The following GNAO1 variants were observed in gnomAD, a reference collection of about 807,000 sequenced individuals.
GNAO1 encodes the protein G protein subunit alpha o1.
For synonymous variants in GNAO1, 164 were observed against 180.7 expected, an observed-to-expected ratio of 0.91 and a Z score of 0.74; for missense variants, 166 against 478.7, an observed-to-expected ratio of 0.35 and a Z score of 6.10.
At chr16:56,304,932 C>T (rs1428430591) in intron 3 of GNAO1, among the ~76,000 whole-genome samples, 3 of 152,236 alleles carry the variant, frequency 2.0e-5, no homozygotes, top group African/African-American at 7.2e-5. Context: ...CATCAGCACT[C>T]GTTTCTCCAG....
At chr16:56,331,686 C>T (rs747649406) in intron 4 of GNAO1, among the ~76,000 whole-genome samples, 1 of 152,196 alleles carries the variant, frequency 6.6e-6, no homozygotes, top group Non-Finnish European at 1.5e-5. Context: ...ATCCCGTCCC[C>T]AAGCTCCATC....
intron 3 of GNAO1, among the ~76,000 whole-genome samples, chr16:56,297,662 T>C (rs1430649661): frequency 6.6e-6 from 1 of 151,982 alleles, no homozygotes; most frequent in East Asian, 1.9e-4. Context: ...TATAGCATCC[T>C]GGTGGAGTTG....
At chr16:56,238,165 C>T (rs1431556422) in intron 2 of GNAO1, among the ~76,000 whole-genome samples, 6 of 150,874 alleles carry the variant, frequency 4.0e-5, no homozygotes, top group African/African-American at 1.5e-4. Flanking sequence ...CTGCTGCATC[C>T]TCCTGATATC....
intron 2 of GNAO1, among the ~76,000 whole-genome samples, chr16:56,199,678 T>C (rs553618383): frequency 2.0e-5 from 3 of 152,344 alleles, no homozygotes; most frequent in East Asian, 1.9e-4. Flanking sequence ...GTTTTCACCA[T>C]AGAATTTCTC....
At chr16:56,218,144 G>A (rs1315542436) in intron 2 of GNAO1, among the ~76,000 whole-genome samples, 1 of 152,320 alleles carries the variant, frequency 6.6e-6, no homozygotes, top group Non-Finnish European at 1.5e-5. Context: ...CCAGGTGGGC[G>A]AGAGATCCTC....
intron 3 of GNAO1, among the ~76,000 whole-genome samples, chr16:56,294,831 G>C (rs1481863236): frequency 2.0e-5 from 3 of 152,178 alleles, no homozygotes; most frequent in African/African-American, 7.2e-5. Context: ...GTATTTCACT[G>C]TGGTTTTAAT....
chr16:56,280,289 A>G (rs1035846798), intron 3 of GNAO1, among the ~76,000 whole-genome samples: 8 of 152,250 alleles, frequency 5.3e-5, no homozygotes, highest in Non-Finnish European at 1.2e-4. Flanking sequence ...GGTGCAGTAT[A>G]GGTGAGCAAA....
At chr16:56,242,658 C>T (rs1413872115) in intron 2 of GNAO1, among the ~76,000 whole-genome samples, 1 of 152,122 alleles carries the variant, frequency 6.6e-6, no homozygotes, top group Non-Finnish European at 1.5e-5. Context: ...ACACCATATA[C>T]AAAAATTAAT....
intron 2 of GNAO1, among the ~76,000 whole-genome samples, chr16:56,197,877 C>T (rs970126833): frequency 6.6e-6 from 1 of 152,052 alleles, no homozygotes; most frequent in African/African-American, 2.4e-5. Context: ...TAGAATGAGG[C>T]CCTATTTTTC....
At chr16:56,278,892 C>T (rs1373641853) in intron 3 of GNAO1, among the ~76,000 whole-genome samples, 1 of 152,140 alleles carries the variant, frequency 6.6e-6, no homozygotes, top group Non-Finnish European at 1.5e-5. Flanking sequence ...TGTCCAGATG[C>T]CCTGAGCCCA....
At chr16:56,299,903 GCT>G (rs2037324377) in intron 3 of GNAO1, among the ~76,000 whole-genome samples, 1 of 152,142 alleles carries the variant, frequency 6.6e-6, no homozygotes, top group Non-Finnish European at 1.5e-5. Flanking sequence ...CTGAGCAAAT[GCT>G]GTGGCTTAGA....
intron 2 of GNAO1, among the ~76,000 whole-genome samples, chr16:56,222,604 T>G (rs1340321451): frequency 6.6e-6 from 1 of 152,138 alleles, no homozygotes; most frequent in Non-Finnish European, 1.5e-5. Context: ...TCAAGCATGC[T>G]CACTAGTTGG....
At chr16:56,243,523 G>A (rs971331630) in intron 2 of GNAO1, among the ~76,000 whole-genome samples, 1 of 152,084 alleles carries the variant, frequency 6.6e-6, no homozygotes, top group Non-Finnish European at 1.5e-5. Context: ...GAATACACAC[G>A]CCTCCAAAGA....
intron 2 of GNAO1, among the ~76,000 whole-genome samples, chr16:56,268,770 A>G (rs939127441): frequency 6.6e-6 from 1 of 152,126 alleles, no homozygotes; most frequent in African/African-American, 2.4e-5. Flanking sequence ...AAACAGTTTT[A>G]TGAAAACAGC....
Position 56,328,789 on chromosome 16 carries a change from A to C in GNAO1, c.462A>C (p.Lys154Asn). The C allele has an allele frequency of 1.9e-6, 3 of 1,614,022 alleles. No individual in the cohort carries two copies. Among genetic ancestry groups the C allele is most frequent in the Non-Finnish European group, 2.5e-6 (3 of 1,179,854 alleles). The part of the protein sequence containing the change: ...SREYQLNDSA[K>N]YYLDSLDRIG... ...AGTATCAGCTCAACGACTCTGCCAAATAGTGAGTGTCCCAGCGGGCGCATG... is the reference window on the plus strand; with the variant it reads ...AGTATCAGCTCAACGACTCTGCCAACTAGTGAGTGTCCCAGCGGGCGCATG... The change falls in exon 4 of 9, where the codon AAA (lysine) becomes AAC (asparagine). Residue 154 changes from lysine (K) to asparagine (N), a missense_variant and splice_region_variant. Transcript: ENST00000262493.
intron 4 of GNAO1, among the ~76,000 whole-genome samples, chr16:56,334,469 A>G (rs886357821): frequency 6.6e-6 from 1 of 152,218 alleles, no homozygotes; most frequent in Admixed American, 6.5e-5. Flanking sequence ...GTCTCATATA[A>G]AAGCTTGATC....
At chr16:56,337,818 G>A (rs760970369) in intron 6 of GNAO1, among the ~76,000 whole-genome samples, 4 of 152,174 alleles carry the variant, frequency 2.6e-5, no homozygotes, top group Non-Finnish European at 4.4e-5. Flanking sequence ...AGCCCGCCAG[G>A]CACCGAGCAT....
At chr16:56,343,757 C>G (rs777285572) in intron 6 of GNAO1, 1 of 1,610,262 alleles carries the variant, frequency 6.2e-7, no homozygotes, top group Non-Finnish European at 8.5e-7. Context: ...CCTGTTTGCT[C>G]TGCAGGCCCC....
rs768546902 is a variant in GNAO1, at chr16:56,224,635, A to G, written c.161+32019A>G. Among the ~76,000 whole-genome samples, 6 of 152,104 alleles carry G rather than the reference A, an allele frequency of 3.9e-5. No individual in the cohort carries two copies. The South Asian group carries it at 1.2e-3, about 32-fold the overall frequency. On this transcript the variant is annotated intron_variant, in intron 2 of 8. Coordinates refer to ENST00000262493, the MANE Select transcript of GNAO1 (RefSeq NM_020988.3). ...AGCTGTGACTACAGCGTGCATCACC[A>G]CGTCTGGCTAATTTTTTGTATTTTT...
Sources: gnomAD v4.1 joint callset for allele counts (sites outside exome capture counted in the v4.1 genomes callset) on GRCh38, gnomAD v4.1.1 for gene constraint, MANE v1.5 for transcripts, NCBI Gene and HGNC (gene_info 2026-07-23, HGNC 2026-07-21) for gene names.